CDH12: variants seen among roughly 807,000 people sequenced by gnomAD.
CDH12 encodes cadherin-12.
Under a neutral mutation model 74.1 loss-of-function variants are expected in CDH12, and 41 were observed. That is an observed-to-expected ratio of 0.55 (90% CI 0.43 to 0.72). CDH12 has a LOEUF of 0.72. CDH12 is among the 30% of genes least tolerant of loss of function. The pLI is 0.00. For synonymous variants in CDH12, 399 were observed against 355.0 expected, an observed-to-expected ratio of 1.12 and a Z score of -1.39; for missense variants, 945 against 977.2, an observed-to-expected ratio of 0.97 and a Z score of 0.44.
chr5:22,115,945 C>A (rs1334058767), intron 4 of CDH12, among the ~76,000 whole-genome samples: 2 of 152,184 alleles, frequency 1.3e-5, no homozygotes, highest in African/African-American at 4.8e-5. Flanking sequence ...CTGGCTTGGC[C>A]TAGGAAAGTG....
chr5:22,650,460 C>T (rs1739676351), intron 1 of CDH12, among the ~76,000 whole-genome samples: 1 of 152,036 alleles, frequency 6.6e-6, no homozygotes, highest in South Asian at 2.1e-4. Context: ...AACCACAGTT[C>T]CCTTTGTAAG....
At chr5:21,801,292 C>A (rs942756701) in intron 10 of CDH12, among the ~76,000 whole-genome samples, 1 of 152,066 alleles carries the variant, frequency 6.6e-6, no homozygotes, top group African/African-American at 2.4e-5. Context: ...AGTGTTTTTG[C>A]TTTAAAAACC....
chr5:22,070,769 T>C (rs1741886472), intron 5 of CDH12, among the ~76,000 whole-genome samples: 2 of 152,186 alleles, frequency 1.3e-5, no homozygotes, highest in African/African-American at 2.4e-5. Context: ...GAGAATAGAA[T>C]TGAATTTTTA....
At chr5:22,666,389 A>T (rs1334272593) in intron 1 of CDH12, among the ~76,000 whole-genome samples, 2 of 145,774 alleles carry the variant, frequency 1.4e-5, no homozygotes, top group South Asian at 2.1e-4. Flanking sequence ...TCCCGGGTTC[A>T]CGCCATTCTC....
chr5:22,443,123 T>C (rs934101671), intron 2 of CDH12, among the ~76,000 whole-genome samples: 6 of 152,144 alleles, frequency 3.9e-5, no homozygotes, highest in Non-Finnish European at 7.4e-5. Flanking sequence ...CTAAGTTAGA[T>C]AATGCATATC....
At chr5:22,251,422 C>T (rs1753126255) in intron 3 of CDH12, among the ~76,000 whole-genome samples, 1 of 152,142 alleles carries the variant, frequency 6.6e-6, no homozygotes, top group Non-Finnish European at 1.5e-5. Context: ...CACCAGTGTA[C>T]ACTGGAATTA....
chr5:21,834,883 C>T lies in CDH12; in HGVS notation c.814+7278G>A, dbSNP rs891706171. ...CCTCATTTAATAGTTGTAGATTTCA[C>T]ATAAGAGCCATTATTTTAGCCATAC... On this transcript the variant is annotated intron_variant, in intron 8 of 14. Coordinates refer to ENST00000382254, the MANE Select transcript of CDH12 (RefSeq NM_004061.5). Among the ~76,000 whole-genome samples, 13 of 152,044 alleles carry T rather than the reference C, an allele frequency of 8.6e-5. 1 individual carries two copies. Among genetic ancestry groups the T allele is most frequent in the African/African-American group, 2.9e-4 (12 of 41,478 alleles).
chr5:21,797,167 GCTC>G (rs1358470167), intron 10 of CDH12, among the ~76,000 whole-genome samples: 2 of 151,844 alleles, frequency 1.3e-5, no homozygotes, highest in Non-Finnish European at 2.9e-5. Flanking sequence ...CATTGATGTG[GCTC>G]TTTGCTGTGC....
chr5:22,062,317 G>A (rs1313419969), intron 5 of CDH12, among the ~76,000 whole-genome samples: 2 of 152,046 alleles, frequency 1.3e-5, no homozygotes, highest in Non-Finnish European at 2.9e-5. Context: ...TATTTGCCAG[G>A]AACATTAGTA....
intron 11 of CDH12, among the ~76,000 whole-genome samples, chr5:21,775,067 C>T (rs1288074844): frequency 6.6e-6 from 1 of 152,140 alleles, no homozygotes; most frequent in Non-Finnish European, 1.5e-5. Context: ...TTCCAGGTGT[C>T]TCTGATGCAG....
chr5:22,245,331 T>G lies in CDH12; in HGVS notation c.-332-32688A>C, dbSNP rs545037663. Among the ~76,000 whole-genome samples the G allele has an allele frequency of 7.9e-4, 120 of 152,216 alleles. 2 individuals carry two copies. The highest frequency in any genetic ancestry group is 2.7e-3 in the African/African-American group (112 of 41,536). The stretch of plus-strand genomic sequence containing the variant: ...TTTGAGCAGCATCAACCTGCAGGTG[T>G]TATAAAATTTGGATTCCAGGTCTAT... On this transcript the variant is annotated intron_variant, in intron 3 of 14. Coordinates refer to ENST00000382254, the MANE Select transcript of CDH12 (RefSeq NM_004061.5).
Position 21,875,218 on chromosome 5 carries a change from A to C in CDH12, c.527-20428T>G, listed in dbSNP as rs376619491. Among the ~76,000 whole-genome samples, 12 of 152,368 alleles carry C rather than the reference A, an allele frequency of 7.9e-5. No individual in the cohort carries two copies. In the East Asian group the frequency reaches 9.6e-4, roughly 12 times the overall value. On this transcript the variant is annotated intron_variant, in intron 6 of 14. Coordinates refer to ENST00000382254, the MANE Select transcript of CDH12 (RefSeq NM_004061.5). Reference sequence around the variant, plus strand: ...TGCTATTTTATACTTGAGTTGCATTAGAATTTTCTGTTACTTCCAAATTAA... The same window carrying C: ...TGCTATTTTATACTTGAGTTGCATTCGAATTTTCTGTTACTTCCAAATTAA...
chr5:22,747,673 G>C (rs1400699562), intron 1 of CDH12, among the ~76,000 whole-genome samples: 5 of 150,690 alleles, frequency 3.3e-5, no homozygotes, highest in African/African-American at 7.3e-5. Context: ...TTAACTTATA[G>C]CTAAAGTTGC....
At chr5:22,635,296 A>C (rs1738783159) in intron 1 of CDH12, among the ~76,000 whole-genome samples, 2 of 152,186 alleles carry the variant, frequency 1.3e-5, no homozygotes, top group African/African-American at 4.8e-5. Context: ...ACACACATGC[A>C]AAAGAATGAA....
chr5:22,447,806 T>C (rs1247354314), intron 2 of CDH12, among the ~76,000 whole-genome samples: 1 of 151,826 alleles, frequency 6.6e-6, no homozygotes, highest in Non-Finnish European at 1.5e-5. Context: ...AAAACAAGTT[T>C]AGTGCAGTTT....
At chr5:22,125,523 G>A (rs1431343722) in intron 4 of CDH12, among the ~76,000 whole-genome samples, 1 of 152,068 alleles carries the variant, frequency 6.6e-6, no homozygotes, top group Admixed American at 6.6e-5. Context: ...ATGGGCATTT[G>A]GACAACCATA....
intron 2 of CDH12, among the ~76,000 whole-genome samples, chr5:22,489,776 C>T (rs937411546): frequency 6.6e-6 from 1 of 150,850 alleles, no homozygotes; most frequent in African/African-American, 2.4e-5. Context: ...CAGCCTCAAC[C>T]TCCCTGGATC....
At chr5:22,341,991 GC>G (rs1739871957) in intron 3 of CDH12, among the ~76,000 whole-genome samples, 1 of 152,070 alleles carries the variant, frequency 6.6e-6, no homozygotes, top group Non-Finnish European at 1.5e-5. Context: ...GGTTCTTGAG[GC>G]AGAAAGTCCA....
chr5:22,636,879 T>C (rs1291155631), intron 1 of CDH12, among the ~76,000 whole-genome samples: 1 of 152,242 alleles, frequency 6.6e-6, no homozygotes, highest in Non-Finnish European at 1.5e-5. Flanking sequence ...AGTGGTACTC[T>C]GTGGAACATT....
Sources: gnomAD v4.1 joint callset for allele counts (sites outside exome capture counted in the v4.1 genomes callset) on GRCh38, gnomAD v4.1.1 for gene constraint, MANE v1.5 for transcripts, NCBI Gene and HGNC (gene_info 2026-07-23, HGNC 2026-07-21) for gene names.